HDGFL2: variants seen among roughly 807,000 people sequenced by gnomAD.
The protein encoded by HDGFL2 is hepatoma-derived growth factor-related protein 2.
In HDGFL2, 36 loss-of-function variants were observed where a neutral mutation model predicts 77.1. The ratio of observed to expected loss-of-function variants is 0.47; its 90% confidence interval spans 0.36 to 0.62. HDGFL2 has a LOEUF of 0.62. Ranked by LOEUF, HDGFL2 falls within the 20% of genes least tolerant of loss-of-function variation. The pLI, the probability that HDGFL2 is intolerant of heterozygous loss-of-function variation, is 0.00. For synonymous variants in HDGFL2, 463 were observed against 413.1 expected (o/e 1.12, Z -1.46); for missense variants, 976 against 973.4 (o/e 1.00, Z -0.04).
At chr19:4,500,218 ATGGGATGGGCGAGCT>A (rs1227854459) in intron 14 of HDGFL2, among the ~76,000 whole-genome samples, 1 of 152,116 alleles carries the variant, frequency 6.6e-6, no homozygotes, top group Non-Finnish European at 1.5e-5. Context: ...CCCTTTGGAG[ATGGGATGGGCGAGCT>A]TGGGATGGGG....
intron 12 of HDGFL2, among the ~76,000 whole-genome samples, 166 bp from the exon 13 acceptor site, chr19:4,498,648 A>G (rs1462401454): frequency 1.6e-4 from 24 of 151,940 alleles, no homozygotes; most frequent in African/African-American, 9.7e-5. Flanking sequence ...GTATCTGGCT[A>G]TCCCTGGAGT....
intron 3 of HDGFL2, among the ~76,000 whole-genome samples, chr19:4,480,644 G>A (rs1200852248): frequency 6.6e-6 from 1 of 152,064 alleles, no homozygotes; most frequent in Non-Finnish European, 1.5e-5. Context: ...ACTTGAACTT[G>A]GGAGGTGGAG....
intron 1 of HDGFL2, 65 bp downstream of exon 1, chr19:4,472,487 G>GAGGC (rs564922499): frequency 0.054 from 46,897 of 868,572 alleles, 5,980 homozygotes; most frequent in African/African-American, 0.35. Flanking sequence ...CCCCGGGCCG[G>GAGGC]AGGCGGGCAC....
Position 4,499,704 on chromosome 19 carries a change from G to A in HDGFL2, c.1789G>A (p.Asp597Asn). 2.6e-6 allele frequency: 4 copies of A among 1,562,422 alleles called. No homozygotes were observed. Among genetic ancestry groups the A allele is most frequent in the Non-Finnish European group, 3.5e-6 (4 of 1,154,364 alleles). Residue 597 changes from aspartate (D) to asparagine (N), a missense_variant and splice_region_variant, in exon 14 of 16, where the codon GAT (aspartate) becomes AAT (asparagine). Asp to Asn is a conservative substitution (Grantham distance 23). Around this residue, in one of 5 missense-constraint regions of HDGFL2, gnomAD observed 229 missense variants for 187.3 expected, o/e 1.22. Coordinates refer to ENST00000616600, the MANE Select transcript of HDGFL2 (RefSeq NM_001001520.3). ...QEKAEDKPST[D>N]LSAPVNGEAT... is the part of the protein sequence containing the mutation. ...GAAGGCGGAGGACAAGCCCAGCACC[G>A]GTGAGGGGCGGGTGGGGTGGGCCCT...
chr19:4,495,977 TTCTC>T (rs1308608896), intron 9 of HDGFL2, among the ~76,000 whole-genome samples: 4 of 152,142 alleles, frequency 2.6e-5, no homozygotes, highest in Non-Finnish European at 5.9e-5. Flanking sequence ...CAGCGCCGTG[TTCTC>T]TCTCTGTCAC....
chr19:4,472,460 G>C (rs764392402), intron 1 of HDGFL2, 38 bp downstream of exon 1: 24 of 428,650 alleles, frequency 5.6e-5, no homozygotes, highest in East Asian at 3.6e-4. Flanking sequence ...TGGGGGGGGG[G>C]GGGGGGGCAG....
At chr19:4,484,019 G>A (rs10416341) in intron 3 of HDGFL2, among the ~76,000 whole-genome samples, 3 of 150,790 alleles carry the variant, frequency 2.0e-5, no homozygotes, top group Non-Finnish European at 4.4e-5. Context: ...TTGATCTCCT[G>A]ACCTCGTGAT....
chr19:4,499,433 G>C, intron 13 of HDGFL2, 58 bp from the exon 14 acceptor site: 1 of 1,537,748 alleles, frequency 6.5e-7, no homozygotes, highest in Non-Finnish European at 8.8e-7. Context: ...GAGGGGTTCA[G>C]AGCCGGGGCT....
At chr19:4,491,365 C>G (rs1317102369) in intron 4 of HDGFL2, among the ~76,000 whole-genome samples, 1 of 150,090 alleles carries the variant, frequency 6.7e-6, no homozygotes, top group African/African-American at 2.4e-5. Context: ...AAGAGTTTGT[C>G]TTTTTGTGAC....
Position 4,497,945 on chromosome 19 carries a change from C to G in HDGFL2, c.1329-13C>G. On this transcript the variant is annotated splice_polypyrimidine_tract_variant and intron_variant, in intron 10 of 15. Transcript: ENST00000616600. ...GGTGACGGGGCCCGACTGAGGGGAGCACTTCTCCACAGGCCCGTGAAGGTG... is the reference window on the plus strand; with the variant it reads ...GGTGACGGGGCCCGACTGAGGGGAGGACTTCTCCACAGGCCCGTGAAGGTG... 1 of 1,550,782 alleles carries G rather than the reference C, an allele frequency of 6.4e-7. No homozygotes were observed. The highest frequency in any genetic ancestry group is 8.7e-7 in the Non-Finnish European group (1 of 1,146,372).
intron 1 of HDGFL2, 174 bp from the exon 2 acceptor site, chr19:4,475,101 T>TTG (rs1432387401): frequency 4.2e-5 from 26 of 618,214 alleles, no homozygotes; most frequent in Non-Finnish European, 6.3e-5. Flanking sequence ...GGGCACAGCT[T>TTG]TGCAGTGAAG....
At position 4,491,598 on chromosome 19, in the gene HDGFL2, C is replaced by T. The variant is rs999364777; in HGVS notation, c.522C>T (p.Ser174=). 1 of 1,613,946 alleles carries T rather than the reference C, an allele frequency of 6.2e-7. No individual in the cohort carries two copies. The highest frequency in any genetic ancestry group is 8.5e-7 in the Non-Finnish European group (1 of 1,180,034). The change falls in exon 5 of 16, where the codon TCC becomes TCT. Residue 174 remains serine (S), a synonymous_variant. Transcript: ENST00000616600. ...TCTCGAAACGAGCCCGAAAGGCCTC[C>T]AGCGACCTGGATCAGGCCAGCGTGT... ...MSVSKRARKA[S]SDLDQASVSP...
At chr19:4,498,666 C>G in intron 12 of HDGFL2, 148 bp from the exon 13 acceptor site, 1 of 631,840 alleles carries the variant, frequency 1.6e-6, no homozygotes. Context: ...AGTTCCCCGT[C>G]AACTGGACGG....
At chr19:4,482,143 C>T (rs1353282971) in intron 3 of HDGFL2, among the ~76,000 whole-genome samples, 1 of 148,066 alleles carries the variant, frequency 6.8e-6, no homozygotes, top group Non-Finnish European at 1.5e-5. Context: ...CGCCATTCTC[C>T]TGCCTCAGCC....
chr19:4,493,908 G>T, intron 7 of HDGFL2, 46 bp downstream of exon 7: 2 of 1,520,122 alleles, frequency 1.3e-6, no homozygotes, highest in Non-Finnish European at 1.8e-6. Context: ...CCCCTGCCGG[G>T]GCGCTCCCAG....
At chr19:4,475,640 C>T in intron 3 of HDGFL2, 57 bp downstream of exon 3, 2 of 1,519,716 alleles carry the variant, frequency 1.3e-6, no homozygotes, top group Non-Finnish European at 1.8e-6. Flanking sequence ...AAGAAGGGGC[C>T]TCCAGTTAGG....
intron 3 of HDGFL2, among the ~76,000 whole-genome samples, chr19:4,483,982 A>G (rs1408767640): frequency 3.4e-5 from 5 of 147,760 alleles, no homozygotes; most frequent in Non-Finnish European, 7.4e-5. Context: ...GTAGAGATGG[A>G]GTTTCATTGT....
intron 1 of HDGFL2, among the ~76,000 whole-genome samples, chr19:4,472,971 C>T (rs955238693): frequency 2.0e-5 from 3 of 149,718 alleles, no homozygotes; most frequent in Admixed American, 1.3e-4. Flanking sequence ...AGACTCTCGC[C>T]CTTGGTGTAT....
chr19:4,472,313 G>A lies in HDGFL2; in HGVS notation c.-38G>A, dbSNP rs1392643956. 3 of 1,453,262 alleles carry A rather than the reference G, an allele frequency of 2.1e-6. No homozygotes were observed. Among genetic ancestry groups the A allele is most frequent in the South Asian group, 1.4e-5 (1 of 70,558 alleles). 90.0% of individuals were successfully genotyped at this position (1,453,262 alleles called of 1,614,324 possible). ...CGCCGCCGCAGCCGCTACCGCCGCTGCAGCCGCTTTCCGCGGCCTGGGCCT... is the reference window on the plus strand; with the variant it reads ...CGCCGCCGCAGCCGCTACCGCCGCTACAGCCGCTTTCCGCGGCCTGGGCCT... On this transcript the variant is annotated 5_prime_UTR_variant, in exon 1 of 16. Transcript: ENST00000616600.
Sources: gnomAD v4.1 joint callset for allele counts (sites outside exome capture counted in the v4.1 genomes callset) on GRCh38, gnomAD v4.1.1 for gene constraint, gnomAD v4.1.1 regional missense constraint, MANE v1.5 for transcripts, NCBI Gene and HGNC (gene_info 2026-07-23, HGNC 2026-07-21) for gene names.